Variants in MORN3 observed in about 807,000 individuals in gnomAD.
The protein encoded by MORN3 is MORN repeat containing 3.
Under a neutral mutation model 34.7 loss-of-function variants are expected in MORN3, and 38 were observed. That is an observed-to-expected ratio of 1.10 (90% CI 0.85 to 1.44). The LOEUF (loss-of-function observed/expected upper bound fraction) is 1.44. Ranked by LOEUF, MORN3 falls within the 40% of genes most tolerant of loss-of-function variation. The probability of loss-of-function intolerance (pLI) is 0.00; values close to 1 mark genes in which losing one functional copy is unlikely to be tolerated. For synonymous variants in MORN3, 109 were observed against 115.3 expected, an observed-to-expected ratio of 0.95 and a Z score of 0.35; for missense variants, 311 against 321.7, an observed-to-expected ratio of 0.97 and a Z score of 0.25.
intron 2 of MORN3, among the ~76,000 whole-genome samples, chr12:121,656,691 TTTTTA>T (rs1893427969): frequency 6.6e-6 from 1 of 151,974 alleles, no homozygotes; most frequent in Admixed American, 6.6e-5. Flanking sequence ...TTTTTTGTGT[TTTTTA>T]TTTAGTAGAG....
intron 2 of MORN3, among the ~76,000 whole-genome samples, chr12:121,655,962 G>A (rs549868398): frequency 7.9e-5 from 12 of 152,080 alleles, no homozygotes; most frequent in East Asian, 7.7e-4. Context: ...ACCAGGAGGC[G>A]GAGCTTGCAG....
At chr12:121,666,300 C>T (rs562925112) in intron 1 of MORN3, among the ~76,000 whole-genome samples, 15 of 152,090 alleles carry the variant, frequency 9.9e-5, no homozygotes, top group East Asian at 7.7e-4. Context: ...GGATTACAGG[C>T]GTGAGCTACC....
chr12:121,652,934 T>A, intron 4 of MORN3, 126 bp from the exon 5 acceptor site: 1 of 1,413,830 alleles, frequency 7.1e-7, no homozygotes, highest in East Asian at 2.4e-5. Flanking sequence ...TTGCTAGGGA[T>A]GCCCTGACTG....
At chr12:121,654,473 A>T in intron 2 of MORN3, 40 bp from the exon 3 acceptor site, 10 of 1,525,924 alleles carry the variant, frequency 6.6e-6, no homozygotes, top group Non-Finnish European at 8.9e-6. Context: ...GCGCCCCCCA[A>T]CACCACCAGG....
At position 121,660,415 on chromosome 12, in the gene MORN3, G is replaced by C. The variant is rs111232801; in HGVS notation, c.146-1067C>G. Among the ~76,000 whole-genome samples the C allele has an allele frequency of 4.4e-5, 6 of 135,954 alleles. No homozygotes were observed. In the South Asian group the frequency reaches 9.1e-4, roughly 21 times the overall value. 89.2% of individuals were successfully genotyped at this position (135,954 alleles called of 152,430 possible). On this transcript the variant is annotated intron_variant, in intron 1 of 5. Coordinates refer to ENST00000355329, the MANE Select transcript of MORN3 (RefSeq NM_173855.5). ...TGCCCAGGCTGAAGTGCAGTGTTGCGATCTCGGCTCACTGCAACCTCCGCC... is the reference window on the plus strand; with the variant it reads ...TGCCCAGGCTGAAGTGCAGTGTTGCCATCTCGGCTCACTGCAACCTCCGCC...
chr12:121,670,218 CA>C (rs199795063), upstream of MORN3, among the ~76,000 whole-genome samples: 1,737 of 151,972 alleles, frequency 0.011, 14 homozygotes, highest in Non-Finnish European at 0.018. Flanking sequence ...CATATTTTGA[CA>C]ATCACACCTA....
At position 121,649,748 on chromosome 12, in the gene MORN3, G is replaced by C. The variant is rs769270966; in HGVS notation, c.*1903C>G. On this transcript the variant is annotated 3_prime_UTR_variant, in exon 6 of 6. Coordinates refer to ENST00000355329, the MANE Select transcript of MORN3 (RefSeq NM_173855.5). ...TTTGGAGATGGTGTCTCGCTCTGTC[G>C]CCCAGGCTGGAGTGCAATGGCGCAA... The C allele has an allele frequency of 7.2e-6, 1 of 139,616 alleles. No homozygotes were observed. Among genetic ancestry groups the C allele is most frequent in the Non-Finnish European group, 1.5e-5 (1 of 66,214 alleles). 8.6% of individuals were successfully genotyped at this position (139,616 alleles called of 1,614,324 possible). A position where few individuals can be genotyped will look rare whatever the true frequency, so the allele number is the denominator to read the frequency against.
chr12:121,663,832 G>C (rs563853560), intron 1 of MORN3, among the ~76,000 whole-genome samples: 1 of 151,800 alleles, frequency 6.6e-6, no homozygotes, highest in Non-Finnish European at 1.5e-5. Flanking sequence ...GGGAGCCCAT[G>C]GTCTGGTAGG....
chr12:121,665,385 G>T (rs1893720446), intron 1 of MORN3, among the ~76,000 whole-genome samples: 1 of 131,094 alleles, frequency 7.6e-6, no homozygotes, highest in Non-Finnish European at 1.5e-5. Flanking sequence ...CCGCCTCCCA[G>T]GTTCACGCCA....
At position 121,654,264 on chromosome 12, in the gene MORN3, G is replaced by A. The variant is rs1224876550; in HGVS notation, c.463+10C>T. The A allele has an allele frequency of 6.5e-7, 1 of 1,544,992 alleles. No homozygotes were observed. The highest frequency in any genetic ancestry group is 2.4e-5 in the East Asian group (1 of 42,350). ...CGGGTGGGCGGGGCCGGCGGGGGTGGGGCACTCACTCAGGCGCAGCATGCC... is the reference window on the plus strand; with the variant it reads ...CGGGTGGGCGGGGCCGGCGGGGGTGAGGCACTCACTCAGGCGCAGCATGCC... On this transcript the variant is annotated intron_variant, in intron 3 of 5. Coordinates refer to ENST00000355329, the MANE Select transcript of MORN3 (RefSeq NM_173855.5).
rs543383162 is a variant in MORN3 at position 121,663,234 on chromosome 12, T to C, written c.146-3886A>G. Among the ~76,000 whole-genome samples, 4 of 152,046 alleles carry C rather than the reference T, an allele frequency of 2.6e-5. No individual in the cohort carries two copies. In the East Asian group the frequency reaches 7.7e-4, roughly 29 times the overall value. Reference sequence around the variant, plus strand: ...TTTTTTTGAGACAGAGTTTCATTCTTGTTGCTCAGGCTGGAGTGCAACGGT... The same window carrying C: ...TTTTTTTGAGACAGAGTTTCATTCTCGTTGCTCAGGCTGGAGTGCAACGGT... On this transcript the variant is annotated intron_variant, in intron 1 of 5. Coordinates refer to ENST00000355329, the MANE Select transcript of MORN3 (RefSeq NM_173855.5).
At chr12:121,664,552 A>C (rs965413830) in intron 1 of MORN3, among the ~76,000 whole-genome samples, 2 of 152,188 alleles carry the variant, frequency 1.3e-5, no homozygotes, top group Non-Finnish European at 2.9e-5. Flanking sequence ...TGAGGTCGGG[A>C]GTTCGAGACC....
At chr12:121,671,016 C>T (rs1291882394), upstream of MORN3, among the ~76,000 whole-genome samples, 2 of 149,972 alleles carry the variant, frequency 1.3e-5, no homozygotes, top group African/African-American at 2.5e-5. Flanking sequence ...GAGGCTGAGG[C>T]AGGAGAATCG....
At chr12:121,662,054 C>A (rs1893600465) in intron 1 of MORN3, among the ~76,000 whole-genome samples, 1 of 152,002 alleles carries the variant, frequency 6.6e-6, no homozygotes, top group Non-Finnish European at 1.5e-5. Flanking sequence ...TATGTGGAAT[C>A]TAAAAAGTCA....
In MORN3 at chr12:121,659,131, A is replaced by G. The variant is rs906695384; in HGVS notation, c.303+60T>C. On this transcript the variant is annotated intron_variant, in intron 2 of 5. Coordinates refer to ENST00000355329, the MANE Select transcript of MORN3 (RefSeq NM_173855.5). ...CTCTCTCGGCTTCCCCTAAACACAC[A>G]CGCGCGCACACACACACACACACAC... 2.5e-4 allele frequency: 348 copies of G among 1,406,464 alleles called. 1 individual carries two copies. In the South Asian group the frequency reaches 3.5e-3, roughly 14 times the overall value. The allele number at this position is 1,406,464 out of a possible 1,614,324, so 87.1% of individuals were successfully genotyped here. A position where few individuals can be genotyped will look rare whatever the true frequency, so the allele number is the denominator to read the frequency against.
intron 1 of MORN3, among the ~76,000 whole-genome samples, chr12:121,666,909 G>A (rs1893773805): frequency 6.7e-6 from 1 of 150,182 alleles, no homozygotes; most frequent in Non-Finnish European, 1.5e-5. Flanking sequence ...GGCTGACAGG[G>A]TCCTATATGA....
At chr12:121,653,016 G>A (rs1019003457) in intron 4 of MORN3, 59 bp downstream of exon 4, 23 of 1,526,682 alleles carry the variant, frequency 1.5e-5, no homozygotes, top group Non-Finnish European at 1.9e-5. Context: ...CATGGCTGGG[G>A]ATGCTGGCTT....
intron 1 of MORN3, among the ~76,000 whole-genome samples, chr12:121,662,359 C>T (rs1447907928): frequency 3.9e-5 from 6 of 152,064 alleles, no homozygotes; most frequent in African/African-American, 1.4e-4. Flanking sequence ...CCCAGCTACT[C>T]AGTAGGTTGA....
upstream of MORN3, among the ~76,000 whole-genome samples, chr12:121,672,280 T>C (rs1893989691): frequency 6.7e-6 from 1 of 149,676 alleles, no homozygotes; most frequent in Non-Finnish European, 1.5e-5. Flanking sequence ...GCAACCATAG[T>C]GAGACCTTAT....
Sources: gnomAD v4.1 joint callset for allele counts (sites outside exome capture counted in the v4.1 genomes callset) on GRCh38, gnomAD v4.1.1 for gene constraint, MANE v1.5 for transcripts, NCBI Gene and HGNC (gene_info 2026-07-23, HGNC 2026-07-21) for gene names.